The following SUCLG2 variants were observed in gnomAD, a reference collection of about 807,000 sequenced individuals.
The protein encoded by SUCLG2 is succinate--CoA ligase [GDP-forming] subunit beta, mitochondrial.
SUCLG2 carries 42 observed loss-of-function variants against 47.9 expected under a neutral mutation model. The observed-to-expected ratio is 0.88, with a 90% CI of 0.69 to 1.14. The LOEUF is 1.14. Among genes scored for constraint, SUCLG2 ranks in the 50% most tolerant of loss-of-function variants. The pLI, the probability that SUCLG2 is intolerant of heterozygous loss-of-function variation, is 0.00. For synonymous variants in SUCLG2, 195 were observed against 197.3 expected (o/e 0.99, Z 0.10); for missense variants, 571 against 525.9 (o/e 1.09, Z -0.84).
chr3:67,588,516 C>T (rs1271979838), intron 2 of SUCLG2, among the ~76,000 whole-genome samples: 1 of 152,080 alleles, frequency 6.6e-6, no homozygotes, highest in African/African-American at 2.4e-5. Context: ...GTCACACATC[C>T]GAAATGAGAT....
chr3:67,461,756 G>A (rs1458801037), intron 9 of SUCLG2, among the ~76,000 whole-genome samples: 1 of 152,042 alleles, frequency 6.6e-6, no homozygotes, highest in Non-Finnish European at 1.5e-5. Context: ...ATTGCCAAAT[G>A]TCCCCTGGGA....
chr3:67,403,939 G>A (rs938965204), intron 9 of SUCLG2, among the ~76,000 whole-genome samples: 1 of 152,168 alleles, frequency 6.6e-6, no homozygotes, highest in Non-Finnish European at 1.5e-5. Flanking sequence ...AGGCTGGAGT[G>A]CAGTGGCACA....
intron 10 of SUCLG2, among the ~76,000 whole-genome samples, chr3:67,400,216 A>C (rs887993863): frequency 2.6e-5 from 4 of 151,884 alleles, no homozygotes; most frequent in Non-Finnish European, 5.9e-5. Flanking sequence ...ATTTTTTAAA[A>C]TATTTATTGC....
intron 10 of SUCLG2, among the ~76,000 whole-genome samples, chr3:67,398,381 A>C (rs1354513584): frequency 1.3e-5 from 2 of 151,642 alleles, no homozygotes; most frequent in East Asian, 3.9e-4. Flanking sequence ...GACACTTCTC[A>C]AAAGAAGACA....
At chr3:67,636,434 G>A (rs1387980862) in intron 1 of SUCLG2, among the ~76,000 whole-genome samples, 2 of 150,254 alleles carry the variant, frequency 1.3e-5, no homozygotes, top group Non-Finnish European at 3.0e-5. Flanking sequence ...CTCACTGCAA[G>A]CTCTGCCTCC....
chr3:67,439,947 A>T (rs1003421711), intron 9 of SUCLG2, among the ~76,000 whole-genome samples: 1 of 152,182 alleles, frequency 6.6e-6, no homozygotes, highest in Non-Finnish European at 1.5e-5. Context: ...AAAAGAACAA[A>T]GCTGGAGGCA....
At chr3:67,379,041 G>T (rs546717906) in intron 10 of SUCLG2, among the ~76,000 whole-genome samples, 2 of 152,258 alleles carry the variant, frequency 1.3e-5, no homozygotes, top group East Asian at 3.9e-4. Context: ...TCACCTCCCT[G>T]GTTCAAGCAA....
At chr3:67,485,577 T>C (rs765874132) in intron 9 of SUCLG2, among the ~76,000 whole-genome samples, 40 of 152,326 alleles carry the variant, frequency 2.6e-4, no homozygotes, top group Non-Finnish European at 3.7e-4. Context: ...CATCAGGCAA[T>C]GACACATAAT....
intron 7 of SUCLG2, among the ~76,000 whole-genome samples, chr3:67,507,005 T>C (rs1705655085): frequency 6.6e-6 from 1 of 152,174 alleles, no homozygotes; most frequent in Non-Finnish European, 1.5e-5. Flanking sequence ...GACTAGCCCC[T>C]GGGACAGTCA....
chr3:67,484,503 T>C (rs1229927330), intron 9 of SUCLG2, among the ~76,000 whole-genome samples: 1 of 152,144 alleles, frequency 6.6e-6, no homozygotes, highest in Non-Finnish European at 1.5e-5. Context: ...GGGCTACAGA[T>C]AATGAAGTAT....
chr3:67,399,303 C>G (rs1702630080), intron 10 of SUCLG2, among the ~76,000 whole-genome samples: 3 of 152,138 alleles, frequency 2.0e-5, no homozygotes, highest in Admixed American at 6.5e-5. Flanking sequence ...TTGAACTGTT[C>G]TGAGGAAAAG....
chr3:67,453,763 T>C (rs1308881196), intron 9 of SUCLG2, among the ~76,000 whole-genome samples: 1 of 152,220 alleles, frequency 6.6e-6, no homozygotes, highest in African/African-American at 2.4e-5. Context: ...CATCAAGCCT[T>C]TGGCTCCCAA....
At chr3:67,598,613 C>A (rs746059577) in intron 2 of SUCLG2, among the ~76,000 whole-genome samples, 3 of 152,178 alleles carry the variant, frequency 2.0e-5, no homozygotes, top group Non-Finnish European at 4.4e-5. Flanking sequence ...GGTCACCTCA[C>A]AACTATGTTG....
intron 2 of SUCLG2, among the ~76,000 whole-genome samples, chr3:67,579,712 T>G (rs1707834259): frequency 6.6e-6 from 1 of 152,178 alleles, no homozygotes; most frequent in African/African-American, 2.4e-5. Flanking sequence ...CAGGGTGGTG[T>G]TAGAAAAAAT....
In SUCLG2 at chr3:67,480,454, G is replaced by T. The variant is rs577078873; in HGVS notation, c.1062+15344C>A. 5.9e-5 allele frequency among the ~76,000 whole-genome samples: 9 copies of T among 152,344 alleles called. No individual in the cohort carries two copies. The South Asian group carries it at 1.7e-3, about 28-fold the overall frequency. On this transcript the variant is annotated intron_variant, in intron 9 of 10. Coordinates refer to ENST00000307227, the MANE Select transcript of SUCLG2 (RefSeq NM_003848.4). ...TCACAGATTACCAGATGATGCTGAT[G>T]CTGCTAGTCCAACCACACTTTTGAA...
intron 10 of SUCLG2, among the ~76,000 whole-genome samples, chr3:67,383,855 T>A (rs1171876172): frequency 3.3e-5 from 5 of 152,204 alleles, no homozygotes; most frequent in Non-Finnish European, 7.3e-5. Flanking sequence ...CTTACACTTC[T>A]GTGCTCACCT....
intron 2 of SUCLG2, among the ~76,000 whole-genome samples, chr3:67,554,855 A>G (rs1313452042): frequency 6.6e-6 from 1 of 152,184 alleles, no homozygotes; most frequent in Non-Finnish European, 1.5e-5. Context: ...GTAGCCATAT[A>G]TTCAGTGAAA....
chr3:67,607,537 T>C (rs552236595), intron 2 of SUCLG2, among the ~76,000 whole-genome samples: 111 of 152,228 alleles, frequency 7.3e-4, no homozygotes, highest in African/African-American at 2.3e-3. Context: ...CTACAAAGTC[T>C]GTATGCCACA....
intron 9 of SUCLG2, among the ~76,000 whole-genome samples, chr3:67,412,550 T>C (rs538102980): frequency 1.3e-5 from 2 of 152,222 alleles, no homozygotes; most frequent in East Asian, 3.9e-4. Context: ...GGATCTGATG[T>C]CTGGGGAGCC....
Sources: allele counts gnomAD v4.1 joint callset (sites outside exome capture counted in the v4.1 genomes callset), GRCh38; gene constraint gnomAD v4.1.1; transcripts MANE v1.5; gene names NCBI Gene and HGNC (gene_info 2026-07-23, HGNC 2026-07-21).